Variants in GRIP1 observed in about 807,000 individuals in gnomAD.
GRIP1 encodes glutamate receptor-interacting protein 1.
A neutral mutation model predicts 129.9 loss-of-function variants in GRIP1; 45 were observed. The observed-to-expected ratio is 0.35, with a 90% confidence interval of 0.27 to 0.44. GRIP1 has a LOEUF of 0.44. Among genes scored for constraint, GRIP1 ranks in the 20% least tolerant of loss-of-function variants. The pLI is 1.00. For synonymous variants in GRIP1, 530 were observed against 520.8 expected, an observed-to-expected ratio of 1.02 and a Z score of -0.24; for missense variants, 1,196 against 1,396.8, an observed-to-expected ratio of 0.86 and a Z score of 2.29.
At chr12:66,797,226 C>G (rs1376494625) in intron 1 of GRIP1, among the ~76,000 whole-genome samples, 3 of 152,158 alleles carry the variant, frequency 2.0e-5, no homozygotes, top group Non-Finnish European at 4.4e-5. Context: ...TGTGTTCCCT[C>G]TAAAACAAGA....
intron 1 of GRIP1, among the ~76,000 whole-genome samples, chr12:66,923,053 C>A (rs2137368326): frequency 6.6e-6 from 1 of 152,294 alleles, no homozygotes; most frequent in East Asian, 1.9e-4. Flanking sequence ...CCTTCGCTAC[C>A]TACCTCAACA....
chr12:66,459,303 C>G (rs892713573), intron 9 of GRIP1, among the ~76,000 whole-genome samples: 58 of 152,278 alleles, frequency 3.8e-4, no homozygotes, highest in African/African-American at 1.3e-3. Context: ...TCTCTCTCAC[C>G]ATCCTCATTC....
rs1242102957 is a variant in GRIP1 at position 66,550,178 on chromosome 12, T to TG, written c.137-8229_137-8228insC. ...CTATTAAGCTTTCCAATGTCAAACTTATTAACAAGTTATTTAGTTTTCACG... is the reference window on the plus strand; with the variant it reads ...CTATTAAGCTTTCCAATGTCAAACTTGATTAACAAGTTATTTAGTTTTCACG... On this transcript the variant is annotated intron_variant, in intron 2 of 24. Transcript: ENST00000359742. 4.6e-3 allele frequency among the ~76,000 whole-genome samples: 700 copies of TG among 152,338 alleles called. 6 individuals carry two copies. The highest frequency in any genetic ancestry group is 0.016 in the African/African-American group (662 of 41,594).
intron 11 of GRIP1, among the ~76,000 whole-genome samples, chr12:66,453,586 T>C (rs2058869785): frequency 6.6e-6 from 1 of 152,214 alleles, no homozygotes; most frequent in Non-Finnish European, 1.5e-5. Flanking sequence ...ACACAAACTA[T>C]TCAAAATAGC....
At position 66,519,010 on chromosome 12, in the gene GRIP1, T is replaced by C. The variant is rs566528116; in HGVS notation, c.503-1034A>G. On this transcript the variant is annotated intron_variant, in intron 5 of 24. Transcript: ENST00000359742. ...CCTGACTGTCCATCTGGGAGTTTTCTAGTTTGCCAATATCTGATAAATATA... is the reference window on the plus strand; with the variant it reads ...CCTGACTGTCCATCTGGGAGTTTTCCAGTTTGCCAATATCTGATAAATATA... Among the ~76,000 whole-genome samples the C allele has an allele frequency of 7.4e-4, 112 of 152,370 alleles. 1 individual carries two copies. The South Asian group carries it at 0.023, about 31-fold the overall frequency.
chr12:66,419,609 A>T (rs577226680), intron 15 of GRIP1, among the ~76,000 whole-genome samples: 1 of 152,278 alleles, frequency 6.6e-6, no homozygotes, highest in South Asian at 2.1e-4. Context: ...AAAATAAAAA[A>T]ATGGTAATAA....
At chr12:66,921,481 C>G (rs2041211953) in intron 1 of GRIP1, among the ~76,000 whole-genome samples, 1 of 152,158 alleles carries the variant, frequency 6.6e-6, no homozygotes, top group Non-Finnish European at 1.5e-5. Flanking sequence ...AAATATTTCC[C>G]AGGTGAATCC....
chr12:66,701,232 A>T (rs1265010636), intron 1 of GRIP1, among the ~76,000 whole-genome samples: 1 of 151,998 alleles, frequency 6.6e-6, no homozygotes, highest in Non-Finnish European at 1.5e-5. Flanking sequence ...CCTCTGCCTC[A>T]CCTTACCCCT....
At position 67,043,647 on chromosome 12, in the gene GRIP1, T is replaced by G. The variant is rs151181153; in HGVS notation, c.58+25403A>C. Among the ~76,000 whole-genome samples, 93 of 152,226 alleles carry G rather than the reference T, an allele frequency of 6.1e-4. 2 individuals carry two copies. In the East Asian group the frequency reaches 6.4e-3, roughly 10 times the overall value. ...CAGTTGGGGCATCATCATCATCTTA[T>G]TCTCCCACCCCTTCTCCCAATAACC... On this transcript the variant is annotated intron_variant, in intron 1 of 1. Transcript: ENST00000643019.
In GRIP1 at chr12:66,514,363, C is replaced by T. The variant is rs1355908362; in HGVS notation, c.724+1256G>A. Among the ~76,000 whole-genome samples, 4 of 152,110 alleles carry T rather than the reference C, an allele frequency of 2.6e-5. No individual in the cohort carries two copies. The East Asian group carries it at 5.8e-4, about 22-fold the overall frequency. On this transcript the variant is annotated intron_variant, in intron 7 of 24. Transcript: ENST00000359742. ...TACTTATGTAATCTGATTTTATCTTCATAATTGTCTTTAAAATAGGGATGC... is the reference window on the plus strand; with the variant it reads ...TACTTATGTAATCTGATTTTATCTTTATAATTGTCTTTAAAATAGGGATGC...
chr12:66,441,604 T>A lies in GRIP1; in HGVS notation c.1687+2980A>T, dbSNP rs115184447. ...CATTCAGCAGCTCTTTCTCTCCTAT[T>A]TAGCTTTGAGCTCTTTGAGGATATG... On this transcript the variant is annotated intron_variant, in intron 13 of 24. Transcript: ENST00000359742. 6.8e-3 allele frequency among the ~76,000 whole-genome samples: 1,030 copies of A among 152,310 alleles called. 17 individuals are homozygous for A. The highest frequency in any genetic ancestry group is 0.024 in the African/African-American group (1,002 of 41,564).
intron 1 of GRIP1, chr12:67,037,365 A>C (rs1592499587): frequency 1.8e-5 from 1 of 55,250 alleles, no homozygotes; most frequent in East Asian, 7.2e-4. Flanking sequence ...ATAATACTTA[A>C]ATACTAAGGC....
intron 1 of GRIP1, among the ~76,000 whole-genome samples, chr12:66,907,266 G>A (rs748788842): frequency 5.9e-5 from 9 of 152,142 alleles, no homozygotes; most frequent in Middle Eastern, 3.2e-3. Flanking sequence ...GAACTGGGTC[G>A]GGGAAAATAA....
chr12:66,588,861 C>T (rs943939872), intron 2 of GRIP1, among the ~76,000 whole-genome samples: 21 of 151,532 alleles, frequency 1.4e-4, no homozygotes, highest in African/African-American at 4.1e-4. Context: ...CCCAGCTACT[C>T]GGGAGGCTGA....
intron 1 of GRIP1, among the ~76,000 whole-genome samples, chr12:66,651,109 T>A (rs1005257028): frequency 3.3e-5 from 5 of 152,208 alleles, no homozygotes; most frequent in Non-Finnish European, 7.3e-5. Flanking sequence ...GTAGAACATT[T>A]GTTTCCTATC....
intron 1 of GRIP1, among the ~76,000 whole-genome samples, chr12:66,655,417 C>T (rs896533491): frequency 6.6e-6 from 1 of 152,100 alleles, no homozygotes; most frequent in African/African-American, 2.4e-5. Flanking sequence ...CAGCCTCCCC[C>T]ACTATCAACA....
intron 2 of GRIP1, among the ~76,000 whole-genome samples, 166 bp from the exon 3 acceptor site, chr12:66,542,116 T>C (rs1172257014): frequency 1.3e-5 from 2 of 152,236 alleles, no homozygotes; most frequent in Non-Finnish European, 2.9e-5. Context: ...ATGCAGGTAA[T>C]GCTGAGGCAG....
chr12:66,821,026 G>C (rs1323575402), intron 1 of GRIP1, among the ~76,000 whole-genome samples: 1 of 152,180 alleles, frequency 6.6e-6, no homozygotes, highest in Non-Finnish European at 1.5e-5. Context: ...TGATATGTCA[G>C]TATAGGTTCC....
chr12:67,067,735 T>C (rs909850991), intron 1 of GRIP1, among the ~76,000 whole-genome samples: 2 of 152,176 alleles, frequency 1.3e-5, no homozygotes, highest in Non-Finnish European at 2.9e-5. Context: ...GTAAGTGTTA[T>C]TCAAAAGCTT....
Sources: gnomAD v4.1 joint callset for allele counts (sites outside exome capture counted in the v4.1 genomes callset) on GRCh38, gnomAD v4.1.1 for gene constraint, MANE v1.5 for transcripts, NCBI Gene and HGNC (gene_info 2026-07-23, HGNC 2026-07-21) for gene names.